The following ESRRB variants were observed in gnomAD, a reference collection of about 807,000 sequenced individuals.
The protein encoded by ESRRB is estrogen related receptor beta, also known as steroid hormone receptor ERR2.
Under a neutral mutation model 46.0 loss-of-function variants are expected in ESRRB, and 16 were observed. The observed-to-expected ratio is 0.35, with a 90% CI of 0.24 to 0.53. ESRRB has a LOEUF of 0.53. ESRRB is among the 20% of genes least tolerant of loss of function. The pLI, the probability that ESRRB is intolerant of heterozygous loss-of-function variation, is 0.93. For synonymous variants in ESRRB, 246 were observed against 259.6 expected (o/e 0.95, Z 0.50); for missense variants, 488 against 607.4 (o/e 0.80, Z 2.07).
At chr14:76,367,482 G>A (rs1030807266), upstream of ESRRB, among the ~76,000 whole-genome samples, 2 of 151,744 alleles carry the variant, frequency 1.3e-5, no homozygotes, top group Non-Finnish European at 2.9e-5. Flanking sequence ...GTTTGAGCCT[G>A]GGAAGTCAAG....
rs1355620761 is a variant in ESRRB at position 76,439,331 on chromosome 14, G to T, written c.51-10G>T. ...CTTGCTGGGGCTGACTTCCCGATTT[G>T]TGTCCACAGGCTGCTGAACAGGATG... On this transcript the variant is annotated splice_polypyrimidine_tract_variant and intron_variant, in intron 1 of 6. Coordinates refer to ENST00000644823, the MANE Select transcript of ESRRB (RefSeq NM_001379180.1). 4 of 1,607,202 alleles carry T rather than the reference G, an allele frequency of 2.5e-6. No homozygotes were observed. Among genetic ancestry groups the T allele is most frequent in the South Asian group, 1.1e-5 (1 of 90,998 alleles).
chr14:76,358,956 C>T (rs56853638), intron 1 of ESRRB, among the ~76,000 whole-genome samples: 16,551 of 152,190 alleles, frequency 0.11, 1,163 homozygotes, highest in East Asian at 0.24. Context: ...TGGTGGGACC[C>T]GAGAATATGC....
At chr14:76,420,462 T>C (rs1042200347) in intron 1 of ESRRB, among the ~76,000 whole-genome samples, 1 of 152,170 alleles carries the variant, frequency 6.6e-6, no homozygotes, top group Non-Finnish European at 1.5e-5. Flanking sequence ...AAACTTGAAA[T>C]GTAAACTACA....
At chr14:76,383,412 C>A (rs1885092561) in intron 1 of ESRRB, among the ~76,000 whole-genome samples, 1 of 151,698 alleles carries the variant, frequency 6.6e-6, no homozygotes. Flanking sequence ...CTTTGAGAAT[C>A]ATTGGCCTTT....
chr14:76,423,870 G>A (rs1184300161), intron 1 of ESRRB, among the ~76,000 whole-genome samples: 1 of 152,012 alleles, frequency 6.6e-6, no homozygotes, highest in African/African-American at 2.4e-5. Context: ...AGGCCAGTGT[G>A]GCTGGGATGG....
At chr14:76,422,462 C>T (rs995157565) in intron 1 of ESRRB, among the ~76,000 whole-genome samples, 14 of 152,002 alleles carry the variant, frequency 9.2e-5, no homozygotes, top group Non-Finnish European at 5.9e-5. Context: ...CTGCCTGCCT[C>T]GGCCTCCCAA....
upstream of ESRRB, among the ~76,000 whole-genome samples, chr14:76,375,873 C>A: frequency 6.8e-6 from 1 of 146,742 alleles, no homozygotes; most frequent in African/African-American, 2.5e-5. Context: ...CCAGACCCAC[C>A]TGGCGGTTGG....
At chr14:76,332,921 T>C (rs1595047025) in intron 1 of ESRRB, among the ~76,000 whole-genome samples, 1 of 17,370 alleles carries the variant, frequency 5.8e-5, no homozygotes, top group Non-Finnish European at 9.8e-5. Flanking sequence ...ATATTATATA[T>C]ATTTATATAT....
At chr14:76,434,975 C>T (rs757481456) in intron 1 of ESRRB, among the ~76,000 whole-genome samples, 9 of 152,132 alleles carry the variant, frequency 5.9e-5, no homozygotes, top group Non-Finnish European at 2.9e-5. Context: ...CCAGCCTTTT[C>T]CTTCTCCGAG....
chr14:76,385,358 A>G (rs944487758), intron 1 of ESRRB, among the ~76,000 whole-genome samples: 16 of 152,168 alleles, frequency 1.1e-4, no homozygotes, highest in African/African-American at 3.4e-4. Context: ...TTTCCCCCTC[A>G]ATCGGTGAGA....
rs1440256381 is a variant in ESRRB, at chr14:76,422,963, G to A, written c.51-16378G>A. The stretch of plus-strand genomic sequence containing the variant: ...GCCCCACTTCCCACAGTTTCTTTAC[G>A]AATTACATTGATTTTGTGTTAAAAT... On this transcript the variant is annotated intron_variant, in intron 1 of 6. Transcript: ENST00000644823. Among the ~76,000 whole-genome samples, 8 of 152,194 alleles carry A rather than the reference G, an allele frequency of 5.3e-5. No homozygotes were observed. The South Asian group carries it at 1.5e-3, about 28-fold the overall frequency.
Position 76,376,284 on chromosome 14 carries a change from G to T in ESRRB, c.-118G>T. On this transcript the variant is annotated 5_prime_UTR_variant, in exon 1 of 7. Transcript: ENST00000644823. The surrounding 1 kb of genome is among the most constrained non-coding windows in gnomAD (Gnocchi z 4.1). ...CCGCGGCCGCCTCCTCCCACTCTGCGTTCTCGCGCTCACTGTGCCCTGCCC... is the reference window on the plus strand; with the variant it reads ...CCGCGGCCGCCTCCTCCCACTCTGCTTTCTCGCGCTCACTGTGCCCTGCCC... 1 of 764,640 alleles carries T rather than the reference G, an allele frequency of 1.3e-6. No homozygotes were observed. Among genetic ancestry groups the T allele is most frequent in the Non-Finnish European group, 1.8e-6 (1 of 561,370 alleles). The allele number at this position is 764,640 out of a possible 1,614,324, so 47.4% of individuals were successfully genotyped here.
At chr14:76,371,971 C>A (rs1224629301), upstream of ESRRB, among the ~76,000 whole-genome samples, 1 of 152,134 alleles carries the variant, frequency 6.6e-6, no homozygotes, top group Non-Finnish European at 1.5e-5. Context: ...TGGCTGGTGT[C>A]TGGGGAGGCT....
At chr14:76,382,916 G>A (rs928559352) in intron 1 of ESRRB, among the ~76,000 whole-genome samples, 8 of 152,038 alleles carry the variant, frequency 5.3e-5, no homozygotes, top group African/African-American at 1.7e-4. Context: ...CAGCATCCCC[G>A]GGACTGAACC....
Position 76,333,150 on chromosome 14 carries a change from TATATATA to T in ESRRB, c.2+22242_2+22248del, listed in dbSNP as rs1884072244. ...ATATTATATATTATATATTATATATTATATATAATATATATTATATATACTATATATA... is the reference window on the plus strand; with the variant it reads ...ATATTATATATTATATATTATATATTATATATATTATATATACTATATATA... On this transcript the variant is annotated intron_variant, in intron 1 of 6. Transcript: ENST00000512784. Among the ~76,000 whole-genome samples, 5 of 8,700 alleles carry T rather than the reference TATATATA, an allele frequency of 5.7e-4. 1 individual carries two copies. Among genetic ancestry groups the T allele is most frequent in the South Asian group, 0.012 (2 of 172 alleles). The allele number at this position is 8,700 out of a possible 152,430, so 5.7% of individuals were successfully genotyped here.
Position 76,355,518 on chromosome 14 carries a change from G to T in ESRRB, c.2+44602G>T, listed in dbSNP as rs376839814. Among the ~76,000 whole-genome samples the T allele has an allele frequency of 6.6e-5, 10 of 152,180 alleles. No homozygotes were observed. The South Asian group carries it at 2.1e-3, about 32-fold the overall frequency. ...TGAGCACTCTAGCTTGTATCAATGT[G>T]GATCATTTGCAAGACTTTCCCAGGC... is the stretch of plus-strand genomic sequence containing the variant. On this transcript the variant is annotated intron_variant, in intron 1 of 6. Coordinates refer to the ESRRB transcript ENST00000512784.
rs1338512822 is a variant in ESRRB, at chr14:76,456,599, GT to G, written c.461-5945del. Among the ~76,000 whole-genome samples, 5 of 152,264 alleles carry G rather than the reference GT, an allele frequency of 3.3e-5. No individual in the cohort carries two copies. In the East Asian group the frequency reaches 7.7e-4, roughly 24 times the overall value. On this transcript the variant is annotated intron_variant, in intron 2 of 6. Transcript: ENST00000644823. Reference sequence around the variant, plus strand: ...CCCCTTCATTTCTGACAGGTTGCAGGTGGCTAGTCGTCCCTTTGATGAGACA... The same window carrying G: ...CCCCTTCATTTCTGACAGGTTGCAGGGGCTAGTCGTCCCTTTGATGAGACA...
intron 1 of ESRRB, among the ~76,000 whole-genome samples, chr14:76,400,557 C>T (rs145115643): frequency 7.9e-5 from 12 of 152,284 alleles, no homozygotes; most frequent in East Asian, 5.8e-4. Context: ...CCTTTTCCCA[C>T]GTTTTATGTT....
intron 5 of ESRRB, among the ~76,000 whole-genome samples, chr14:76,484,646 C>T (rs1430723305): frequency 6.6e-6 from 1 of 152,206 alleles, no homozygotes; most frequent in African/African-American, 2.4e-5. Context: ...GTAGATAAGA[C>T]CAGGAGACCC....
Sources: gnomAD v4.1 joint callset for allele counts (sites outside exome capture counted in the v4.1 genomes callset) on GRCh38, gnomAD v4.1.1 for gene constraint, Gnocchi (gnomAD v3.1) non-coding constraint, MANE v1.5 for transcripts, NCBI Gene and HGNC (gene_info 2026-07-23, HGNC 2026-07-21) for gene names.